Variants in TOP2A observed in about 807,000 individuals in gnomAD.
TOP2A encodes DNA topoisomerase 2-alpha.
Under a neutral mutation model 187.2 loss-of-function variants are expected in TOP2A, and 68 were observed. The observed-to-expected ratio is 0.36, with a 90% confidence interval of 0.30 to 0.44. TOP2A has a LOEUF of 0.44. Ranked by LOEUF, TOP2A falls within the 20% of genes least tolerant of loss-of-function variation. TOP2A has a pLI of 1.00. For missense variants in TOP2A, 1,196 were observed against 1,808.7 expected (o/e 0.66, Z 6.14); for synonymous variants, 542 against 593.2 (o/e 0.91, Z 1.25).
At position 40,416,475 on chromosome 17, in the gene TOP2A, T is replaced by C. The variant is rs1019417784; in HGVS notation, c.215A>G (p.Tyr72Cys). 9.3e-6 allele frequency: 15 copies of C among 1,605,470 alleles called. No individual in the cohort carries two copies. The highest frequency in any genetic ancestry group is 1.3e-5 in the Non-Finnish European group (15 of 1,175,216). Residue 72 changes from tyrosine (Y) to cysteine (C), a missense_variant, in exon 3 of 35, where the codon TAT (tyrosine) becomes TGT (cysteine). Coordinates refer to ENST00000423485, the MANE Select transcript of TOP2A (RefSeq NM_001067.4). Reference sequence around the variant, plus strand: ...ACCAGGAACAAAAGTGACTTCCCTATAGTTAATGCCAACATCTTCATCGTA... The same window carrying C: ...ACCAGGAACAAAAGTGACTTCCCTACAGTTAATGCCAACATCTTCATCGTA... ...WVYDEDVGIN[Y>C]REVTFVPGLY...
At chr17:40,389,678 A>T (rs1455740661) in intron 34 of TOP2A, 31 bp from the exon 35 acceptor site, 2 of 1,596,452 alleles carry the variant, frequency 1.3e-6, no homozygotes, top group South Asian at 1.2e-5. Flanking sequence ...TAACTTGCAC[A>T]TTGTAAATCT....
chr17:40,412,412 A>G (rs373510049), intron 7 of TOP2A, among the ~76,000 whole-genome samples: 1 of 152,162 alleles, frequency 6.6e-6, no homozygotes. Flanking sequence ...TTGGGAGGCC[A>G]AGACGGGTGG....
Position 40,400,674 on chromosome 17 carries a change from A to G in TOP2A, c.2665-11T>C. Reference sequence around the variant, plus strand: ...CTTGTAACTTGGAAGCTAAATTGGCATTTAAAAAAACAGTATGTTTTCTAA... The same window carrying G: ...CTTGTAACTTGGAAGCTAAATTGGCGTTTAAAAAAACAGTATGTTTTCTAA... On this transcript the variant is annotated splice_polypyrimidine_tract_variant and intron_variant, in intron 21 of 34. Transcript: ENST00000423485. 6.3e-7 allele frequency: 1 copy of G among 1,585,848 alleles called. No individual in the cohort carries two copies. Among genetic ancestry groups the G allele is most frequent in the Non-Finnish European group, 8.6e-7 (1 of 1,168,764 alleles).
chr17:40,416,896 C>A lies in TOP2A; in HGVS notation c.22-1G>T. 6.3e-7 allele frequency: 1 copy of A among 1,579,548 alleles called. No individual in the cohort carries two copies. Among genetic ancestry groups the A allele is most frequent in the Admixed American group, 1.9e-5 (1 of 51,768 alleles). On this transcript the variant is annotated splice_acceptor_variant, in intron 1 of 34. Transcript: ENST00000423485. LOFTEE classifies it high-confidence loss of function. ...TGACTTGCATATTTTCATTTACAGG[C>A]TAGCAATTAAAAAAAAAGAGAGAAA...
At chr17:40,399,278 TC>T (rs2035144324) in intron 24 of TOP2A, 147 bp from the exon 25 acceptor site, 4 of 635,178 alleles carry the variant, frequency 6.3e-6, no homozygotes, top group African/African-American at 1.8e-5. Context: ...TACAGGCAAG[TC>T]TCCCTAAACC....
Position 40,388,563 on chromosome 17 carries a change from T to C in TOP2A, c.*956A>G, listed in dbSNP as rs1462805480. 3.3e-5 allele frequency: 6 copies of C among 179,582 alleles called. No homozygotes were observed. Among genetic ancestry groups the C allele is most frequent in the African/African-American group, 9.4e-5 (4 of 42,366 alleles). 11.1% of individuals were successfully genotyped at this position (179,582 alleles called of 1,614,324 possible). On this transcript the variant is annotated 3_prime_UTR_variant, in exon 35 of 35. Coordinates refer to ENST00000423485, the MANE Select transcript of TOP2A (RefSeq NM_001067.4). ...AACATTTTATTAAAGTACAAAATTG[T>C]TGGAATTTAGCTAATAGAAAAACAT... is the stretch of plus-strand genomic sequence containing the variant.
At chr17:40,398,110 C>CTTTT (rs1048890086) in intron 27 of TOP2A, among the ~76,000 whole-genome samples, 6 of 127,662 alleles carry the variant, frequency 4.7e-5, no homozygotes, top group Non-Finnish European at 8.3e-5. Flanking sequence ...TAATCTGTCC[C>CTTTT]TTTTTTTTTT....
intron 33 of TOP2A, 60 bp downstream of exon 33, chr17:40,391,446 G>C (rs1457058541): frequency 2.0e-6 from 3 of 1,487,382 alleles, no homozygotes; most frequent in Non-Finnish European, 2.7e-6. Flanking sequence ...AATTGAAATA[G>C]ACACGTGGAA....
chr17:40,391,843 C>G, intron 32 of TOP2A: 2 of 782,604 alleles, frequency 2.6e-6, no homozygotes, highest in Non-Finnish European at 1.9e-6. Context: ...ATCTCTAGCA[C>G]CTAGCAAAGT....
Position 40,417,801 on chromosome 17 carries a change from C to T in TOP2A, c.-10G>A. ...ATGGTGACACTTCCATGGTGACGGT[C>T]GTGAAGGGGCTCAAGAACCCTGAAA... On this transcript the variant is annotated 5_prime_UTR_variant, in exon 1 of 35. Coordinates refer to ENST00000423485, the MANE Select transcript of TOP2A (RefSeq NM_001067.4). The T allele has an allele frequency of 6.2e-7, 1 of 1,613,510 alleles. No homozygotes were observed. The highest frequency in any genetic ancestry group is 1.1e-5 in the South Asian group (1 of 91,060).
chr17:40,397,976 C>T (rs2035123004), intron 27 of TOP2A, among the ~76,000 whole-genome samples: 1 of 151,874 alleles, frequency 6.6e-6, no homozygotes, highest in African/African-American at 2.4e-5. Context: ...CAGGGTTTCT[C>T]CATGTTGGTC....
chr17:40,394,987 A>G (rs1244438598), intron 29 of TOP2A, among the ~76,000 whole-genome samples: 1 of 152,222 alleles, frequency 6.6e-6, no homozygotes, highest in Non-Finnish European at 1.5e-5. Context: ...CCCAAGGACG[A>G]TATTAAAGAG....
intron 10 of TOP2A, chr17:40,409,410 A>T: frequency 2.4e-6 from 1 of 424,810 alleles, no homozygotes; most frequent in South Asian, 1.8e-5. Context: ...ATAAAATTAG[A>T]CACAAATAAA....
Position 40,392,733 on chromosome 17 carries a change from T to C in TOP2A, c.3816A>G (p.Thr1272=). The C allele has an allele frequency of 5.0e-6, 8 of 1,609,010 alleles. No homozygotes were observed. Among genetic ancestry groups the C allele is most frequent in the Non-Finnish European group, 6.8e-6 (8 of 1,179,020 alleles). Residue 1272 remains threonine, a synonymous_variant, in exon 30 of 35, where the codon ACA becomes ACG. Coordinates refer to ENST00000423485, the MANE Select transcript of TOP2A (RefSeq NM_001067.4). ...LEKKQKREPG[T]KTKKQTTLAF... ...CCAATGTAGTTTGTTTCTTTGTCTT[T>C]GTACCTAGAGGGGAGATAGAAATTA...
intron 19 of TOP2A, among the ~76,000 whole-genome samples, chr17:40,403,727 T>A (rs1278434595): frequency 6.6e-6 from 1 of 152,224 alleles, no homozygotes; most frequent in Non-Finnish European, 1.5e-5. Flanking sequence ...TTGGAACATA[T>A]CCTTGTAGAC....
Position 40,398,559 on chromosome 17 carries a change from T to C in TOP2A, c.3536A>G (p.Glu1179Gly). 2 of 1,571,354 alleles carry C rather than the reference T, an allele frequency of 1.3e-6. No homozygotes were observed. Among genetic ancestry groups the C allele is most frequent in the Non-Finnish European group, 1.7e-6 (2 of 1,156,814 alleles). The change falls in exon 27 of 35, where the codon GAG becomes GGG. Residue 1179 changes from glutamate (E) to glycine (G), a missense_variant and splice_region_variant. Glu to Gly is a moderately conservative substitution (Grantham distance 98, BLOSUM62 -2). Around this residue, in one of 10 missense-constraint regions of TOP2A, gnomAD observed 4 missense variants for 22.6 expected, o/e 0.18. Transcript: ENST00000423485. ...ACATGGGCATTATAAACTACATACC[T>C]CCAATTCTTCAATAAATGTAGCCAA... The part of the protein sequence containing the change: ...EDLATFIEEL[E>G]AVEAKEKQDE...
chr17:40,406,460 T>G lies in TOP2A; in HGVS notation c.1877A>C (p.Glu626Ala). 3 of 1,613,810 alleles carry G rather than the reference T, an allele frequency of 1.9e-6. No individual in the cohort carries two copies. Among genetic ancestry groups the G allele is most frequent in the Non-Finnish European group, 2.5e-6 (3 of 1,179,770 alleles). Residue 626 changes from glutamate to alanine, a missense_variant, in exon 16 of 35, where the codon GAA (glutamate) becomes GCA (alanine). By Grantham distance (107) the Glu-to-Ala change is moderately radical. This residue lies in a region of TOP2A where 209 missense variants were observed against 376.9 expected (regional missense o/e 0.55). Coordinates refer to ENST00000423485, the MANE Select transcript of TOP2A (RefSeq NM_001067.4). ...LGTSTSKEAK[E>A]YFADMKRHRI... ...ATGTCTTTTCATATCTGCAAAGTAT[T>G]CTTTAGCTTCCTTTGATGTGCTGGT... is the stretch of plus-strand genomic sequence containing the variant.
intron 4 of TOP2A, among the ~76,000 whole-genome samples, chr17:40,415,119 A>G (rs2143692458): frequency 6.6e-6 from 1 of 151,040 alleles, no homozygotes; most frequent in East Asian, 2.0e-4. Context: ...CAGTGGTGCA[A>G]TCTCGGCTCA....
chr17:40,416,698 T>A, intron 2 of TOP2A, 42 bp downstream of exon 2: 1 of 1,593,362 alleles, frequency 6.3e-7, no homozygotes, highest in Non-Finnish European at 8.5e-7. Context: ...GAGTATCCAT[T>A]TCAACTACTA....
Sources: gnomAD v4.1 joint callset for allele counts (sites outside exome capture counted in the v4.1 genomes callset) on GRCh38, gnomAD v4.1.1 for gene constraint, gnomAD v4.1.1 regional missense constraint, MANE v1.5 for transcripts, NCBI Gene and HGNC (gene_info 2026-07-23, HGNC 2026-07-21) for gene names.